The following HPSE2 variants were observed in gnomAD, a reference collection of about 807,000 sequenced individuals.
The protein encoded by HPSE2 is inactive heparanase-2.
A neutral mutation model predicts 60.5 loss-of-function variants in HPSE2; 38 were observed. The ratio of observed to expected loss-of-function variants is 0.63; its 90% confidence interval spans 0.48 to 0.82. The LOEUF (loss-of-function observed/expected upper bound fraction) is 0.82. Among genes scored for constraint, HPSE2 ranks in the 40% least tolerant of loss-of-function variants. The probability of loss-of-function intolerance (pLI) is 0.00; values close to 1 mark genes in which losing one functional copy is unlikely to be tolerated. For synonymous variants in HPSE2, 295 were observed against 293.2 expected, an observed-to-expected ratio of 1.01 and a Z score of -0.06; for missense variants, 713 against 740.4, an observed-to-expected ratio of 0.96 and a Z score of 0.43.
intron 9 of HPSE2, among the ~76,000 whole-genome samples, chr10:98,543,604 C>G (rs939580762): frequency 2.0e-5 from 3 of 152,106 alleles, no homozygotes; most frequent in African/African-American, 7.2e-5. Context: ...CAGAGACACA[C>G]ATGGGCTCAA....
chr10:99,300,742 T>C, the HPSE2 span, among the ~76,000 whole-genome samples: 5 of 152,228 alleles, frequency 3.3e-5, no homozygotes, highest in South Asian at 2.1e-4. Context: ...GTTTCTCAAG[T>C]AGACCCCTCT....
At chr10:99,308,095 T>C in the HPSE2 span, among the ~76,000 whole-genome samples, 4 of 151,682 alleles carry the variant, frequency 2.6e-5, no homozygotes, top group Admixed American at 1.3e-4. Flanking sequence ...AGCAAGAAAA[T>C]GGAAACAATC....
At chr10:99,134,547 A>G (rs916203346) in intron 3 of HPSE2, among the ~76,000 whole-genome samples, 3 of 152,222 alleles carry the variant, frequency 2.0e-5, no homozygotes, top group Admixed American at 2.0e-4. Flanking sequence ...ACAAGCCAGA[A>G]AAGAATGGGG....
At position 98,852,159 on chromosome 10, in the gene HPSE2, GTGTGTGTATA is replaced by G. The variant is rs1470419082; in HGVS notation, c.611-108113_611-108104del. 3.4e-3 allele frequency among the ~76,000 whole-genome samples: 440 copies of G among 130,326 alleles called. 3 individuals carry two copies. Among genetic ancestry groups the G allele is most frequent in the Non-Finnish European group, 5.3e-3 (335 of 63,172 alleles). 85.5% of individuals were successfully genotyped at this position (130,326 alleles called of 152,430 possible). On this transcript the variant is annotated intron_variant, in intron 3 of 11. Transcript: ENST00000370552. ...TGTGTGTGTGTGTGTGTGTGTGTGT[GTGTGTGTATA>G]TATGTTTGGTTTTCATCCATCCTTC...
intron 2 of HPSE2, among the ~76,000 whole-genome samples, chr10:99,169,177 A>G (rs1300130810): frequency 2.9e-5 from 4 of 139,080 alleles, no homozygotes; most frequent in South Asian, 2.4e-4. Context: ...TAGGCGACAG[A>G]GCAAGACTCC....
intron 5 of HPSE2, among the ~76,000 whole-genome samples, chr10:98,715,568 A>G (rs1948771340): frequency 6.6e-6 from 1 of 151,984 alleles, no homozygotes; most frequent in African/African-American, 2.4e-5. Context: ...GTTCAGTTCC[A>G]GACCACTGCA....
intron 6 of HPSE2, among the ~76,000 whole-genome samples, chr10:98,662,213 G>A (rs537861378): frequency 3.3e-5 from 5 of 152,116 alleles, no homozygotes; most frequent in African/African-American, 9.7e-5. Flanking sequence ...GAATCTTAAC[G>A]ACCATTTGTT....
chr10:99,116,831 G>A (rs953410190), intron 3 of HPSE2, among the ~76,000 whole-genome samples: 2 of 152,128 alleles, frequency 1.3e-5, no homozygotes, highest in African/African-American at 4.8e-5. Flanking sequence ...GAGGATAAAC[G>A]CATTGCCTTG....
chr10:99,012,987 A>G (rs945225899), intron 3 of HPSE2: 1 of 291,858 alleles, frequency 3.4e-6, no homozygotes, highest in Non-Finnish European at 6.7e-6. Context: ...CTTCTCATAG[A>G]AAAAGTTTAA....
chr10:98,973,338 A>C (rs139481002), intron 3 of HPSE2, among the ~76,000 whole-genome samples: 172 of 152,312 alleles, frequency 1.1e-3, no homozygotes, highest in African/African-American at 4.0e-3. Context: ...ATGAATAAGC[A>C]ATCTTCTGTC....
At chr10:98,774,980 T>C (rs992529310) in intron 3 of HPSE2, among the ~76,000 whole-genome samples, 9 of 152,356 alleles carry the variant, frequency 5.9e-5, no homozygotes, top group Non-Finnish European at 1.2e-4. Context: ...GTGTTGTTGG[T>C]GACCTAGGCT....
chr10:99,089,096 T>C (rs933609027), intron 3 of HPSE2, among the ~76,000 whole-genome samples: 2 of 152,200 alleles, frequency 1.3e-5, no homozygotes, highest in African/African-American at 2.4e-5. Flanking sequence ...GTTGGATGTA[T>C]AGATTGCAAA....
chr10:98,834,700 A>T (rs2134666992), intron 3 of HPSE2, among the ~76,000 whole-genome samples: 1 of 152,270 alleles, frequency 6.6e-6, no homozygotes, highest in Middle Eastern at 3.4e-3. Context: ...AGGTCCTTAC[A>T]TTTCCAGCTA....
At chr10:98,878,979 T>C (rs1329790321) in intron 3 of HPSE2, among the ~76,000 whole-genome samples, 1 of 151,974 alleles carries the variant, frequency 6.6e-6, no homozygotes, top group African/African-American at 2.4e-5. Context: ...ACTTCACTGT[T>C]TCTATGTCTA....
chr10:98,547,875 A>T (rs1055929575), intron 9 of HPSE2, among the ~76,000 whole-genome samples: 1 of 152,148 alleles, frequency 6.6e-6, no homozygotes, highest in Non-Finnish European at 1.5e-5. Flanking sequence ...CGATATTGAA[A>T]CTGACTTTTC....
intron 3 of HPSE2, among the ~76,000 whole-genome samples, chr10:98,950,262 G>A (rs57368213): frequency 0.13 from 19,104 of 152,006 alleles, 1,262 homozygotes; most frequent in South Asian, 0.21. Flanking sequence ...CGTATGTTTT[G>A]CCACATTCTG....
At chr10:98,460,827 G>A (rs1002127910) in intron 11 of HPSE2, among the ~76,000 whole-genome samples, 8 of 152,116 alleles carry the variant, frequency 5.3e-5, no homozygotes, top group African/African-American at 9.7e-5. Flanking sequence ...CTGGATAGAG[G>A]GAAATGCCAC....
chr10:98,654,786 A>G (rs1947014252), intron 6 of HPSE2, among the ~76,000 whole-genome samples: 1 of 152,120 alleles, frequency 6.6e-6, no homozygotes, highest in Admixed American at 6.5e-5. Context: ...TTTTGTTGAA[A>G]ACTGACATGC....
At chr10:99,006,194 G>C (rs1298810010) in intron 3 of HPSE2, among the ~76,000 whole-genome samples, 1 of 152,118 alleles carries the variant, frequency 6.6e-6, no homozygotes, top group East Asian at 1.9e-4. Context: ...ACAGGAGCTG[G>C]CTTGGAACTA....
Sources: gnomAD v4.1 joint callset for allele counts (sites outside exome capture counted in the v4.1 genomes callset) on GRCh38, gnomAD v4.1.1 for gene constraint, MANE v1.5 for transcripts, NCBI Gene and HGNC (gene_info 2026-07-23, HGNC 2026-07-21) for gene names.